KCNIP4: variants seen among roughly 807,000 people sequenced by gnomAD.
The protein encoded by KCNIP4 is potassium voltage-gated channel interacting protein 4, also known as Kv channel-interacting protein 4.
In KCNIP4, 12 loss-of-function variants were observed where a neutral mutation model predicts 34.0. The ratio of observed to expected loss-of-function variants is 0.35; its 90% CI spans 0.23 to 0.57. The LOEUF is 0.57. KCNIP4 is among the 20% of genes least tolerant of loss of function. The pLI is 0.83. For missense variants in KCNIP4, 238 were observed against 311.7 expected, an observed-to-expected ratio of 0.76 and a Z score of 1.78; for synonymous variants, 124 against 102.2, an observed-to-expected ratio of 1.21 and a Z score of -1.29.
chr4:21,770,038 C>G (rs1252558140), intron 1 of KCNIP4, among the ~76,000 whole-genome samples: 1 of 152,016 alleles, frequency 6.6e-6, no homozygotes, highest in African/African-American at 2.4e-5. Flanking sequence ...ATGTGCGGAA[C>G]ATGCAGGTTT....
rs1577569283 is a variant in KCNIP4 at position 21,033,399 on chromosome 4, C to T, written c.62-150690G>A. On this transcript the variant is annotated intron_variant, in intron 1 of 8. Transcript: ENST00000382152. The stretch of plus-strand genomic sequence containing the variant: ...GACCATCATTAATAAGTAAACTCTT[C>T]AAAAGTCAAGCAGGGCTATGTTTTT... Among the ~76,000 whole-genome samples, 3 of 152,088 alleles carry T rather than the reference C, an allele frequency of 2.0e-5. No homozygotes were observed. The East Asian group carries it at 5.8e-4, about 29-fold the overall frequency.
At chr4:20,825,865 C>A (rs1717696276) in intron 3 of KCNIP4, among the ~76,000 whole-genome samples, 1 of 152,218 alleles carries the variant, frequency 6.6e-6, no homozygotes, top group African/African-American at 2.4e-5. Context: ...CTGGATTAGA[C>A]ATGTAGGAAG....
intron 1 of KCNIP4, among the ~76,000 whole-genome samples, chr4:20,904,348 T>TAC (rs1340487168): frequency 1.3e-5 from 2 of 148,834 alleles, no homozygotes; most frequent in African/African-American, 2.4e-5. Context: ...TATATATATA[T>TAC]ACAGATATAT....
chr4:20,861,893 T>C (rs1176334885), intron 2 of KCNIP4, among the ~76,000 whole-genome samples: 1 of 151,896 alleles, frequency 6.6e-6, no homozygotes, highest in African/African-American at 2.4e-5. Flanking sequence ...TAAAAAATAA[T>C]CACCTAATTG....
intron 1 of KCNIP4, among the ~76,000 whole-genome samples, chr4:21,244,138 T>C (rs1760036911): frequency 6.6e-6 from 1 of 152,204 alleles, no homozygotes; most frequent in African/African-American, 2.4e-5. Flanking sequence ...TCTTTACTTG[T>C]ATTGATATAT....
intron 1 of KCNIP4, among the ~76,000 whole-genome samples, chr4:21,479,709 T>C (rs539117214): frequency 3.3e-5 from 5 of 152,084 alleles, no homozygotes; most frequent in Non-Finnish European, 7.4e-5. Flanking sequence ...CACGTATTCT[T>C]AGGAAAAAAA....
intron 1 of KCNIP4, among the ~76,000 whole-genome samples, chr4:20,974,340 G>A (rs577623347): frequency 6.6e-6 from 1 of 152,290 alleles, no homozygotes; most frequent in African/African-American, 2.4e-5. Context: ...TCATTATTAA[G>A]TGTGTTTGCT....
At chr4:20,929,298 A>G (rs1477718666) in intron 1 of KCNIP4, among the ~76,000 whole-genome samples, 1 of 152,028 alleles carries the variant, frequency 6.6e-6, no homozygotes, top group East Asian at 1.9e-4. Flanking sequence ...TTTCTCAATC[A>G]ACACAGAAAA....
intron 1 of KCNIP4, among the ~76,000 whole-genome samples, chr4:21,002,848 C>T (rs887531513): frequency 5.9e-5 from 9 of 152,158 alleles, no homozygotes; most frequent in Admixed American, 2.0e-4. Context: ...GTCCTTTAAC[C>T]TCTCTGGCTT....
chr4:20,877,504 C>T (rs1724189584), intron 2 of KCNIP4, among the ~76,000 whole-genome samples: 1 of 151,906 alleles, frequency 6.6e-6, no homozygotes, highest in Non-Finnish European at 1.5e-5. Context: ...AGATTTTTTT[C>T]AGAAGCTCTG....
chr4:21,092,249 T>G (rs1747061037), intron 1 of KCNIP4, among the ~76,000 whole-genome samples: 1 of 152,014 alleles, frequency 6.6e-6, no homozygotes, highest in African/African-American at 2.4e-5. Flanking sequence ...GGTACTGAGG[T>G]ACCATCCTAA....
intron 1 of KCNIP4, among the ~76,000 whole-genome samples, chr4:21,112,963 C>T (rs1004819950): frequency 2.0e-5 from 3 of 152,020 alleles, no homozygotes; most frequent in African/African-American, 7.2e-5. Flanking sequence ...TATTCGCTTT[C>T]TAGTTTTTCT....
At chr4:21,469,076 T>A (rs758209758) in intron 1 of KCNIP4, among the ~76,000 whole-genome samples, 17 of 152,246 alleles carry the variant, frequency 1.1e-4, no homozygotes, top group African/African-American at 9.6e-5. Context: ...TATTATTATT[T>A]TTCTTTGAGA....
chr4:21,400,402 G>A (rs766889199), intron 1 of KCNIP4, among the ~76,000 whole-genome samples: 9 of 151,116 alleles, frequency 6.0e-5, no homozygotes, highest in Non-Finnish European at 1.2e-4. Flanking sequence ...TATAGTATGT[G>A]GGGTGGGTGG....
intron 1 of KCNIP4, among the ~76,000 whole-genome samples, chr4:21,689,791 C>G (rs1751114519): frequency 6.6e-6 from 1 of 152,006 alleles, no homozygotes; most frequent in Non-Finnish European, 1.5e-5. Flanking sequence ...CTATGCCCAC[C>G]CTGGCCACTG....
In KCNIP4 at chr4:20,734,499, C is replaced by G. The variant is rs145315554; in HGVS notation, c.537+129G>C. 3.9e-4 allele frequency: 195 copies of G among 496,544 alleles called. 1 individual carries two copies. The East Asian group carries it at 6.8e-3, about 17-fold the overall frequency. 30.8% of individuals were successfully genotyped at this position (496,544 alleles called of 1,614,324 possible). On this transcript the variant is annotated intron_variant, in intron 6 of 8. Transcript: ENST00000382152. ...CCCAAGTTTTTAATTGTACATCTTT[C>G]TTCCACTACATAAAATATTTTGGAA... is the stretch of plus-strand genomic sequence containing the variant.
intron 1 of KCNIP4, among the ~76,000 whole-genome samples, chr4:21,019,818 C>T (rs1216857498): frequency 6.6e-6 from 1 of 151,964 alleles, no homozygotes; most frequent in African/African-American, 2.4e-5. Context: ...GTATGTCTCA[C>T]AGCTATATAA....
chr4:20,870,190 G>T (rs11932975), intron 2 of KCNIP4, among the ~76,000 whole-genome samples: 1,895 of 152,180 alleles, frequency 0.012, 35 homozygotes, highest in African/African-American at 0.043. Context: ...GTAATTCCCA[G>T]TGTTGGGGGA....
At chr4:21,859,759 C>T (rs1457477972) in intron 1 of KCNIP4, among the ~76,000 whole-genome samples, 2 of 152,104 alleles carry the variant, frequency 1.3e-5, no homozygotes, top group Admixed American at 6.5e-5. Context: ...AAGGGAGTGG[C>T]GGCTCATGCC....
Sources: allele counts gnomAD v4.1 joint callset (sites outside exome capture counted in the v4.1 genomes callset), GRCh38; gene constraint gnomAD v4.1.1; transcripts MANE v1.5; gene names NCBI Gene and HGNC (gene_info 2026-07-23, HGNC 2026-07-21).